The following ZFAND6 variants were observed in gnomAD, a reference collection of about 807,000 sequenced individuals.
ZFAND6 encodes zinc finger AN1-type containing 6.
A neutral mutation model predicts 24.5 loss-of-function variants in ZFAND6; 12 were observed. That is an observed-to-expected ratio of 0.49 (90% CI 0.31 to 0.79). The LOEUF (loss-of-function observed/expected upper bound fraction) is 0.79, where lower values mean the gene tolerates loss of function less well. Among genes scored for constraint, ZFAND6 ranks in the 30% least tolerant of loss-of-function variants. The pLI, the probability that ZFAND6 is intolerant of heterozygous loss-of-function variation, is 0.04. For missense variants in ZFAND6, 207 were observed against 245.9 expected, an observed-to-expected ratio of 0.84 and a Z score of 1.06; for synonymous variants, 92 against 81.5, an observed-to-expected ratio of 1.13 and a Z score of -0.69.
At chr15:80,125,330 C>T (rs1567095674) in intron 5 of ZFAND6, among the ~76,000 whole-genome samples, 2 of 152,072 alleles carry the variant, frequency 1.3e-5, no homozygotes, top group African/African-American at 2.4e-5. Context: ...CATATGCTTC[C>T]CTCAAGGGAA....
At chr15:80,059,289 G>A (rs1045430728), upstream of ZFAND6, among the ~76,000 whole-genome samples, 39 of 152,316 alleles carry the variant, frequency 2.6e-4, no homozygotes, top group African/African-American at 9.1e-4. Flanking sequence ...CATTCCCTGC[G>A]AGGTGGCAAA....
chr15:80,080,462 A>G (rs1567057981), intron 1 of ZFAND6, among the ~76,000 whole-genome samples: 2 of 152,218 alleles, frequency 1.3e-5, no homozygotes. Flanking sequence ...ATAGTTTTAT[A>G]AATTAGACAT....
chr15:80,135,839 A>G (rs1266702981), intron 6 of ZFAND6, among the ~76,000 whole-genome samples: 1 of 151,666 alleles, frequency 6.6e-6, no homozygotes, highest in Non-Finnish European at 1.5e-5. Context: ...AAAGAATACA[A>G]ACATGGCCCA....
chr15:80,072,026 G>A (rs1263489583), intron 1 of ZFAND6, among the ~76,000 whole-genome samples: 2 of 152,016 alleles, frequency 1.3e-5, no homozygotes, highest in African/African-American at 4.8e-5. Context: ...GCTTAGAAGT[G>A]AATCTTTTGC....
chr15:80,086,002 A>AT (rs1385549398), intron 1 of ZFAND6, among the ~76,000 whole-genome samples: 3 of 152,036 alleles, frequency 2.0e-5, no homozygotes. Flanking sequence ...TTTTTTAGTT[A>AT]TTGGCAATTC....
intron 1 of ZFAND6, among the ~76,000 whole-genome samples, chr15:80,091,964 TTGAC>T (rs1434543799): frequency 6.6e-6 from 1 of 152,186 alleles, no homozygotes; most frequent in African/African-American, 2.4e-5. Flanking sequence ...ATATCTCACT[TTGAC>T]TGTTAATGTT....
In ZFAND6 at chr15:80,108,384, A is replaced by G. The variant is rs2039444160; in HGVS notation, c.-18+9806A>G. Among the ~76,000 whole-genome samples the G allele has an allele frequency of 2.0e-5, 3 of 152,280 alleles. No homozygotes were observed. The South Asian group carries it at 6.2e-4, about 32-fold the overall frequency. ...TAAAAGCTTTAAGGGCAAAGAGGGA[A>G]TAAAAAGCCATAGATAGATCGATCA... is the stretch of plus-strand genomic sequence containing the variant. On this transcript the variant is annotated intron_variant, in intron 2 of 6. Coordinates refer to ENST00000261749, the MANE Select transcript of ZFAND6 (RefSeq NM_019006.4).
chr15:80,082,107 A>T (rs1047389648), intron 1 of ZFAND6, among the ~76,000 whole-genome samples: 28 of 152,104 alleles, frequency 1.8e-4, no homozygotes, highest in African/African-American at 6.5e-4. Context: ...TTAATTTCTC[A>T]TTTTTCCAGT....
chr15:80,121,563 A>T (rs1483163404), intron 3 of ZFAND6, 149 bp from the exon 4 acceptor site: 6 of 507,444 alleles, frequency 1.2e-5, no homozygotes, highest in Non-Finnish European at 1.9e-5. Context: ...CCGTTGAAAA[A>T]TTTTTTAAAA....
chr15:80,119,392 C>T (rs2040044857), intron 2 of ZFAND6, among the ~76,000 whole-genome samples: 1 of 152,070 alleles, frequency 6.6e-6, no homozygotes, highest in Admixed American at 6.5e-5. Context: ...CTAGCTTCAC[C>T]ATCCTGGGAT....
intron 6 of ZFAND6, among the ~76,000 whole-genome samples, chr15:80,132,941 TA>T (rs3974671): frequency 0.01 from 1,525 of 145,348 alleles, 21 homozygotes; most frequent in African/African-American, 0.034. Context: ...GGACTATTGT[TA>T]AAAAAAAAAA....
At chr15:80,132,575 T>G (rs554067202) in intron 6 of ZFAND6, among the ~76,000 whole-genome samples, 1 of 152,230 alleles carries the variant, frequency 6.6e-6, no homozygotes, top group African/African-American at 2.4e-5. Context: ...GCTGCAAGTA[T>G]CCACTTAAAA....
Position 80,118,272 on chromosome 15 carries a change from G to A in ZFAND6, c.-17-2056G>A, listed in dbSNP as rs949611167. On this transcript the variant is annotated intron_variant, in intron 2 of 6. Transcript: ENST00000261749. ...CAAGTAGCTGGGACTACAGGCACAC[G>A]CCGCCACACCCGGCTAGTTTTTTTG... Among the ~76,000 whole-genome samples, 11 of 151,960 alleles carry A rather than the reference G, an allele frequency of 7.2e-5. No homozygotes were observed. In the East Asian group the frequency reaches 1.9e-3, roughly 27 times the overall value.
At chr15:80,106,690 A>G (rs2039346952) in intron 2 of ZFAND6, among the ~76,000 whole-genome samples, 3 of 151,974 alleles carry the variant, frequency 2.0e-5, no homozygotes, top group Admixed American at 1.3e-4. Flanking sequence ...TGTTATTACA[A>G]GTAAGTTGTT....
At chr15:80,123,128 G>T in intron 5 of ZFAND6, 1 of 165,620 alleles carries the variant, frequency 6.0e-6, no homozygotes, top group South Asian at 1.9e-4. Context: ...AAGAAAACTG[G>T]GGCTGCTGGT....
intron 6 of ZFAND6, among the ~76,000 whole-genome samples, chr15:80,133,767 C>T (rs764826658): frequency 6.6e-5 from 10 of 152,098 alleles, no homozygotes; most frequent in African/African-American, 9.7e-5. Flanking sequence ...TACTGTTTTG[C>T]GCAAATGCAG....
chr15:80,086,700 A>G (rs558027647), intron 1 of ZFAND6, among the ~76,000 whole-genome samples: 15 of 152,360 alleles, frequency 9.8e-5, no homozygotes, highest in South Asian at 2.1e-4. Context: ...ACTGTTTTTA[A>G]ATAGACCATT....
intron 2 of ZFAND6, among the ~76,000 whole-genome samples, chr15:80,102,510 C>T (rs1253561867): frequency 6.6e-6 from 1 of 152,158 alleles, no homozygotes; most frequent in Non-Finnish European, 1.5e-5. Flanking sequence ...TTAAAGTGAG[C>T]CATCTGTTTA....
intron 1 of ZFAND6, among the ~76,000 whole-genome samples, chr15:80,078,773 A>G (rs924705981): frequency 1.3e-5 from 2 of 151,514 alleles, no homozygotes; most frequent in African/African-American, 4.9e-5. Context: ...TTGAGATGAT[A>G]TTTTGATTTT....
Sources: gnomAD v4.1 joint callset for allele counts (sites outside exome capture counted in the v4.1 genomes callset) on GRCh38, gnomAD v4.1.1 for gene constraint, MANE v1.5 for transcripts, NCBI Gene and HGNC (gene_info 2026-07-23, HGNC 2026-07-21) for gene names.